Variants in MYH10 observed in about 807,000 individuals in gnomAD.
MYH10 encodes the protein myosin heavy chain 10.
MYH10 carries 55 observed loss-of-function variants against 257.8 expected under a neutral mutation model. The observed-to-expected ratio is 0.21, with a 90% CI of 0.17 to 0.27. MYH10 has a LOEUF of 0.27. MYH10 is among the 10% of genes least tolerant of loss of function. The probability of loss-of-function intolerance (pLI) is 1.00; values close to 1 mark genes in which losing one functional copy is unlikely to be tolerated. For synonymous variants in MYH10, 854 were observed against 921.7 expected (o/e 0.93, Z 1.33); for missense variants, 1,631 against 2,500.6 (o/e 0.65, Z 7.42).
chr17:8,611,565 A>AAAAAC lies in MYH10; in HGVS notation c.346-6588_346-6584dup, dbSNP rs539705620. ...AACCCAAATGAAAATTCTAAAACTGAAAAACAAAACAAAACAAAACAAAAC... is the reference window on the plus strand; with the variant it reads ...AACCCAAATGAAAATTCTAAAACTGAAAAACAAAACAAAACAAAACAAAACAAAAC... On this transcript the variant is annotated intron_variant, in intron 2 of 42. Transcript: ENST00000360416. 4.3e-3 allele frequency among the ~76,000 whole-genome samples: 661 copies of AAAAAC among 152,304 alleles called. 4 individuals are homozygous for AAAAAC. Among genetic ancestry groups the AAAAAC allele is most frequent in the East Asian group, 0.013 (65 of 5,190 alleles).
At chr17:8,513,761 C>G in intron 22 of MYH10, 25 bp downstream of exon 22, 1 of 1,612,698 alleles carries the variant, frequency 6.2e-7, no homozygotes, top group Middle Eastern at 1.7e-4. Context: ...TGAAAGGGAT[C>G]TGGAAAGAAG....
At chr17:8,602,683 T>G (rs2084656811) in intron 3 of MYH10, among the ~76,000 whole-genome samples, 1 of 152,250 alleles carries the variant, frequency 6.6e-6, no homozygotes, top group Admixed American at 6.5e-5. Flanking sequence ...CTAATTCCTT[T>G]TAACTTTCAC....
intron 3 of MYH10, among the ~76,000 whole-genome samples, chr17:8,592,046 C>G (rs375158688): frequency 3.3e-5 from 5 of 152,112 alleles, no homozygotes; most frequent in Admixed American, 6.5e-5. Flanking sequence ...CAGAGCCTTA[C>G]GGTGATATTA....
intron 2 of MYH10, among the ~76,000 whole-genome samples, chr17:8,608,214 A>G (rs2084886570): frequency 6.6e-6 from 1 of 152,228 alleles, no homozygotes; most frequent in Admixed American, 6.5e-5. Context: ...GGATGAAATA[A>G]GCATTTCAGA....
intron 7 of MYH10, among the ~76,000 whole-genome samples, chr17:8,563,006 A>G (rs977401114): frequency 6.6e-6 from 1 of 152,236 alleles, no homozygotes; most frequent in African/African-American, 2.4e-5. Context: ...AACTTAATTT[A>G]GGGGCAATGC....
intron 36 of MYH10, among the ~76,000 whole-genome samples, 199 bp from the exon 37 acceptor site, chr17:8,484,465 A>G (rs1302435122): frequency 5.9e-5 from 9 of 152,102 alleles, no homozygotes; most frequent in African/African-American, 2.2e-4. Flanking sequence ...TTTTTTCTAG[A>G]TTATAAAAGT....
intron 21 of MYH10, among the ~76,000 whole-genome samples, chr17:8,516,226 A>G (rs2081464429): frequency 6.6e-6 from 1 of 152,190 alleles, no homozygotes; most frequent in South Asian, 2.1e-4. Flanking sequence ...AAAGTGTTCA[A>G]AATCACTTTA....
At position 8,552,064 on chromosome 17, in the gene MYH10, C is replaced by A; in HGVS notation, c.901G>T (p.Ala301Ser). Reference sequence around the variant, plus strand: ...AACTTACACTTTAGGTGTTCTCCTGCTCCAGATAACAACTGGTAAAAGATA... The same window carrying A: ...AACTTACACTTTAGGTGTTCTCCTGATCCAGATAACAACTGGTAAAAGATA... ...FHIFYQLLSG[A>S]GEHLKSDLLL... Residue 301 changes from alanine to serine, a missense_variant, in exon 9 of 43, where the codon GCA becomes TCA. Physicochemically the swap from Ala to Ser is moderately conservative, Grantham distance 99 (BLOSUM62 1). Coordinates refer to ENST00000360416, the MANE Select transcript of MYH10 (RefSeq NM_001256012.3). The surrounding 1 kb of genome is among the most constrained non-coding windows in gnomAD (Gnocchi z 4.8). 1.3e-6 allele frequency: 2 copies of A among 1,546,400 alleles called. No individual in the cohort carries two copies. Among genetic ancestry groups the A allele is most frequent in the Non-Finnish European group, 1.8e-6 (2 of 1,139,028 alleles).
At chr17:8,591,995 C>T (rs2084161299) in intron 3 of MYH10, among the ~76,000 whole-genome samples, 1 of 152,170 alleles carries the variant, frequency 6.6e-6, no homozygotes, top group African/African-American at 2.4e-5. Flanking sequence ...CGACAGTTTC[C>T]AATGATCTTT....
At chr17:8,508,032 T>A (rs2081130643) in intron 26 of MYH10, among the ~76,000 whole-genome samples, 1 of 151,966 alleles carries the variant, frequency 6.6e-6, no homozygotes, top group East Asian at 1.9e-4. Context: ...CAACACAAAA[T>A]AATCTTAAGA....
chr17:8,475,963 A>C lies in MYH10; in HGVS notation c.5880-15T>G. On this transcript the variant is annotated splice_polypyrimidine_tract_variant and intron_variant, in intron 42 of 42. Transcript: ENST00000360416. The stretch of plus-strand genomic sequence containing the variant: ...GGCCACCCCGCCTGGAGAACACAGG[A>C]AGCAGATGTGTGTGGGTAAACAGAC... The C allele has an allele frequency of 6.2e-7, 1 of 1,609,772 alleles. No homozygotes were observed. Among genetic ancestry groups the C allele is most frequent in the African/African-American group, 1.3e-5 (1 of 74,954 alleles).
chr17:8,538,266 C>T lies in MYH10; in HGVS notation c.1606-2335G>A, dbSNP rs1026958275. ...TGTCCCCCAGGCTGGAGTGTGGTCACGCGATCTTGGCTCGCTGCAACCTCC... is the reference window on the plus strand; with the variant it reads ...TGTCCCCCAGGCTGGAGTGTGGTCATGCGATCTTGGCTCGCTGCAACCTCC... On this transcript the variant is annotated intron_variant, in intron 14 of 42. Transcript: ENST00000360416. 3.3e-5 allele frequency among the ~76,000 whole-genome samples: 5 copies of T among 152,314 alleles called. No homozygotes were observed. In the East Asian group the frequency reaches 5.8e-4, roughly 18 times the overall value.
At position 8,499,265 on chromosome 17, in the gene MYH10, C is replaced by CTT. The variant is rs1333975979; in HGVS notation, c.3951+3_3951+4dup. ...ACGTGTGTAGAGCGGAGGTTTCTGG[C>CTT]TTACCTGCAGCTTACTTGCTTTCTC... On this transcript the variant is annotated splice_donor_region_variant and intron_variant, in intron 30 of 42. Transcript: ENST00000360416. 2 of 1,601,244 alleles carry CTT rather than the reference C, an allele frequency of 1.2e-6. No homozygotes were observed. Among genetic ancestry groups the CTT allele is most frequent in the Non-Finnish European group, 8.5e-7 (1 of 1,172,976 alleles).
At chr17:8,510,638 GAAT>G in intron 24 of MYH10, among the ~76,000 whole-genome samples, 1 of 152,098 alleles carries the variant, frequency 6.6e-6, no homozygotes, top group East Asian at 1.9e-4. Context: ...TCACATTTTG[GAAT>G]AATAGCAACA....
intron 7 of MYH10, among the ~76,000 whole-genome samples, chr17:8,565,684 G>T (rs1242750424): frequency 6.6e-6 from 1 of 152,234 alleles, no homozygotes; most frequent in Non-Finnish European, 1.5e-5. Context: ...ATATAGTAGT[G>T]CAGGCACTTT....
Position 8,545,961 on chromosome 17 carries a change from C to G in MYH10, c.1279-361G>C, listed in dbSNP as rs1043696099. Among the ~76,000 whole-genome samples the G allele has an allele frequency of 4.6e-5, 7 of 152,066 alleles. No homozygotes were observed. The highest frequency in any genetic ancestry group is 1.7e-4 in the African/African-American group (7 of 41,404). The stretch of plus-strand genomic sequence containing the variant: ...AGGGGCCCTTGTGTTGGTCTGGTTC[C>G]CGAAGTATGCAGATTTGTCTACTGG... On this transcript the variant is annotated intron_variant, in intron 12 of 42. Coordinates refer to ENST00000360416, the MANE Select transcript of MYH10 (RefSeq NM_001256012.3). This position sits in a 1 kb window ranked among gnomAD's most constrained non-coding sequence, Gnocchi z 4.7.
chr17:8,505,714 C>G (rs1469038872), intron 27 of MYH10, among the ~76,000 whole-genome samples: 2 of 152,198 alleles, frequency 1.3e-5, no homozygotes, highest in Non-Finnish European at 2.9e-5. Flanking sequence ...GGTGAGGTGG[C>G]TCACGCCTGT....
At chr17:8,481,914 C>G (rs1913888941) in intron 37 of MYH10, among the ~76,000 whole-genome samples, 1 of 152,176 alleles carries the variant, frequency 6.6e-6, no homozygotes, top group Non-Finnish European at 1.5e-5. Context: ...GTGGGGGCCT[C>G]CGCAGGGGCT....
At position 8,501,271 on chromosome 17, in the gene MYH10, C is replaced by T. The variant is rs557438015; in HGVS notation, c.3600-301G>A. 3.0e-4 allele frequency among the ~76,000 whole-genome samples: 46 copies of T among 152,040 alleles called. 1 individual carries two copies. The South Asian group carries it at 9.1e-3, about 30-fold the overall frequency. On this transcript the variant is annotated intron_variant, in intron 28 of 42. Transcript: ENST00000360416. ...TTGCGCCACTGCACGCCAGCCTGGGCGAGTGAGACCCTATCTTTAAAAAAA... is the reference window on the plus strand; with the variant it reads ...TTGCGCCACTGCACGCCAGCCTGGGTGAGTGAGACCCTATCTTTAAAAAAA...
Sources: allele counts gnomAD v4.1 joint callset (sites outside exome capture counted in the v4.1 genomes callset), GRCh38; gene constraint gnomAD v4.1.1; non-coding constraint Gnocchi (gnomAD v3.1); transcripts MANE v1.5; gene names NCBI Gene and HGNC (gene_info 2026-07-23, HGNC 2026-07-21).